EPHA6: variants seen among roughly 807,000 people sequenced by gnomAD.
The protein encoded by EPHA6 is EPH receptor A6.
A neutral mutation model predicts 112.0 loss-of-function variants in EPHA6; 50 were observed. That is an observed-to-expected ratio of 0.45 (90% CI 0.36 to 0.56). The LOEUF (loss-of-function observed/expected upper bound fraction) is 0.56. Ranked by LOEUF, EPHA6 falls within the 20% of genes least tolerant of loss-of-function variation. EPHA6 has a pLI of 0.00. For synonymous variants in EPHA6, 529 were observed against 490.7 expected (o/e 1.08, Z -1.03); for missense variants, 1,280 against 1,417.4 (o/e 0.90, Z 1.56).
At chr3:97,621,785 C>T (rs1290505513) in intron 13 of EPHA6, among the ~76,000 whole-genome samples, 1 of 151,934 alleles carries the variant, frequency 6.6e-6, no homozygotes, top group Admixed American at 6.6e-5. Flanking sequence ...TTCTGAAAGA[C>T]AGAAACAGAG....
rs538535970 is a variant in EPHA6, at chr3:97,356,028, G to C, written c.1607-49122G>C. Among the ~76,000 whole-genome samples, 7 of 152,332 alleles carry C rather than the reference G, an allele frequency of 4.6e-5. No individual in the cohort carries two copies. The South Asian group carries it at 1.2e-3, about 27-fold the overall frequency. On this transcript the variant is annotated intron_variant, in intron 5 of 17. Transcript: ENST00000389672. ...TACCCAACACTGGGCCAGGTGAGCA[G>C]CAGTTGAGCGAGCAAAGCTTCATCT...
chr3:96,993,240 A>G (rs2043280322), intron 3 of EPHA6, among the ~76,000 whole-genome samples: 1 of 152,034 alleles, frequency 6.6e-6, no homozygotes, highest in Non-Finnish European at 1.5e-5. Flanking sequence ...ATTGAGAACA[A>G]AGCCCAAATA....
intron 5 of EPHA6, among the ~76,000 whole-genome samples, chr3:97,338,917 G>GTGAT (rs2083181771): frequency 6.6e-6 from 1 of 152,170 alleles, no homozygotes; most frequent in Admixed American, 6.5e-5. Flanking sequence ...AATCACCACT[G>GTGAT]TGATTATTTC....
At chr3:97,258,464 G>A (rs888176412) in intron 5 of EPHA6, among the ~76,000 whole-genome samples, 4 of 152,070 alleles carry the variant, frequency 2.6e-5, no homozygotes, top group African/African-American at 9.7e-5. Flanking sequence ...ATTGTGTTCA[G>A]TTGTGCAAAC....
At chr3:97,693,604 G>T (rs902419498) in intron 14 of EPHA6, among the ~76,000 whole-genome samples, 2 of 152,004 alleles carry the variant, frequency 1.3e-5, no homozygotes, top group African/African-American at 4.8e-5. Context: ...TTGGGAGATC[G>T]AGACCATCCT....
intron 14 of EPHA6, among the ~76,000 whole-genome samples, chr3:97,696,032 A>T (rs958441767): frequency 2.6e-5 from 4 of 152,262 alleles, no homozygotes; most frequent in Admixed American, 6.5e-5. Context: ...AGTTGAATCG[A>T]TGATTTTTCA....
intron 1 of EPHA6, among the ~76,000 whole-genome samples, chr3:96,824,592 A>G (rs1183007392): frequency 6.6e-6 from 1 of 151,988 alleles, no homozygotes; most frequent in East Asian, 1.9e-4. Flanking sequence ...GAAACAGGAA[A>G]CACAAAGGCA....
intron 14 of EPHA6, among the ~76,000 whole-genome samples, chr3:97,685,890 T>C (rs1260557999): frequency 6.6e-6 from 1 of 152,180 alleles, no homozygotes; most frequent in African/African-American, 2.4e-5. Context: ...CTAAGATTCA[T>C]ATCTAGGATC....
At chr3:97,086,212 A>G (rs1437266380) in intron 3 of EPHA6, among the ~76,000 whole-genome samples, 1 of 151,986 alleles carries the variant, frequency 6.6e-6, no homozygotes, top group East Asian at 1.9e-4. Flanking sequence ...TTTTCTGCAA[A>G]TTATTGGATT....
intron 11 of EPHA6, among the ~76,000 whole-genome samples, chr3:97,546,964 G>T (rs530493104): frequency 6.6e-6 from 1 of 152,050 alleles, no homozygotes; most frequent in African/African-American, 2.4e-5. Flanking sequence ...TTATCCATTC[G>T]TCTACTTTTT....
At chr3:97,249,149 A>G (rs2079063693) in intron 5 of EPHA6, among the ~76,000 whole-genome samples, 1 of 152,100 alleles carries the variant, frequency 6.6e-6, no homozygotes, top group Non-Finnish European at 1.5e-5. Context: ...ACAGGCAATA[A>G]CCCTGACTTT....
At chr3:97,336,320 T>A (rs969339407) in intron 5 of EPHA6, among the ~76,000 whole-genome samples, 8 of 152,150 alleles carry the variant, frequency 5.3e-5, no homozygotes, top group Admixed American at 5.2e-4. Context: ...AAAAAAGATA[T>A]GGAGTTAGTT....
At chr3:97,277,626 G>A (rs1355209182) in intron 5 of EPHA6, among the ~76,000 whole-genome samples, 1 of 152,052 alleles carries the variant, frequency 6.6e-6, no homozygotes, top group African/African-American at 2.4e-5. Context: ...GCTTGTTACT[G>A]TACTTAGTAC....
chr3:97,521,260 T>C (rs781568890), intron 10 of EPHA6, among the ~76,000 whole-genome samples: 1 of 152,122 alleles, frequency 6.6e-6, no homozygotes, highest in Non-Finnish European at 1.5e-5. Context: ...GTCATATTTC[T>C]TTGCTTTTTC....
chr3:97,084,863 CA>C (rs2046845088), intron 3 of EPHA6, among the ~76,000 whole-genome samples: 1 of 151,984 alleles, frequency 6.6e-6, no homozygotes, highest in African/African-American at 2.4e-5. Context: ...GGTACTGGTA[CA>C]AAAATATTCT....
chr3:97,361,201 T>C (rs893173400), intron 5 of EPHA6, among the ~76,000 whole-genome samples: 3 of 152,220 alleles, frequency 2.0e-5, no homozygotes, highest in African/African-American at 7.2e-5. Flanking sequence ...TGTGTACACC[T>C]AGAGTTGCTG....
chr3:96,924,043 C>G (rs958336829), intron 2 of EPHA6, among the ~76,000 whole-genome samples: 5 of 152,028 alleles, frequency 3.3e-5, no homozygotes, highest in African/African-American at 9.7e-5. Context: ...TTTTGTTACT[C>G]TAGCCTAGTA....
intron 5 of EPHA6, among the ~76,000 whole-genome samples, chr3:97,250,615 T>TTAAG: frequency 6.6e-6 from 1 of 152,316 alleles, no homozygotes; most frequent in African/African-American, 2.4e-5. Context: ...TAAATTGAAA[T>TTAAG]TAAGTGTGTG....
chr3:97,441,606 A>G (rs1266826047), intron 6 of EPHA6: 1 of 184,576 alleles, frequency 5.4e-6, no homozygotes. Flanking sequence ...AAAAAAATAC[A>G]TAAGAAATTG....
Sources: gnomAD v4.1 joint callset for allele counts (sites outside exome capture counted in the v4.1 genomes callset) on GRCh38, gnomAD v4.1.1 for gene constraint, MANE v1.5 for transcripts, NCBI Gene and HGNC (gene_info 2026-07-23, HGNC 2026-07-21) for gene names.